The following ZNF831 variants were observed in gnomAD, a reference collection of about 807,000 sequenced individuals.
ZNF831 encodes chromosome 20 open reading frame 174.
Under a neutral mutation model 95.8 loss-of-function variants are expected in ZNF831, and 59 were observed. The ratio of observed to expected loss-of-function variants is 0.62; its 90% CI spans 0.50 to 0.77. ZNF831 has a LOEUF of 0.77. ZNF831 is among the 30% of genes least tolerant of loss of function. ZNF831 has a pLI of 0.00. For missense variants in ZNF831, 2,205 were observed against 2,164.0 expected, an observed-to-expected ratio of 1.02 and a Z score of -0.38; for synonymous variants, 961 against 925.5, an observed-to-expected ratio of 1.04 and a Z score of -0.70.
rs1342742469 is a variant in ZNF831 at position 59,194,536 on chromosome 20, C to A, written c.3517C>A (p.Pro1173Thr). ...CCGCAGTCCCCACAGCACCCAAAACCCCTTTCCCTCACTGAAGGCTGAGCC... is the reference window on the plus strand; with the variant it reads ...CCGCAGTCCCCACAGCACCCAAAACACCTTTCCCTCACTGAAGGCTGAGCC... ...STRSPHSTQN[P>T]FPSLKAEPRL... The change falls in exon 2 of 6, where the codon CCC (proline) becomes ACC (threonine). Residue 1173 changes from proline to threonine, a missense_variant. Pro to Thr is a conservative substitution (Grantham distance 38, BLOSUM62 -1). Transcript: ENST00000371030. 1.2e-6 allele frequency: 2 copies of A among 1,606,408 alleles called. No individual in the cohort carries two copies. Among genetic ancestry groups the A allele is most frequent in the Non-Finnish European group, 1.7e-6 (2 of 1,176,104 alleles).
chr20:59,230,993 ATAGGT>A (rs1427135604), intron 4 of ZNF831, among the ~76,000 whole-genome samples: 1 of 152,178 alleles, frequency 6.6e-6, no homozygotes, highest in Non-Finnish European at 1.5e-5. Context: ...TCTCTTCACC[ATAGGT>A]TTTCCCCTTA....
At chr20:59,146,795 C>T (rs1979892353) in intron 2 of ZNF831, 1 of 152,228 alleles carries the variant, frequency 6.6e-6, no homozygotes. Flanking sequence ...GGCCCCAAGC[C>T]CAGTAACCAA....
At chr20:59,240,640 A>G (rs1987276379) in intron 4 of ZNF831, among the ~76,000 whole-genome samples, 1 of 151,910 alleles carries the variant, frequency 6.6e-6, no homozygotes, top group African/African-American at 2.4e-5. Context: ...TCTCTACTAA[A>G]AATACAAAAA....
chr20:59,167,629 A>G (rs1343369576), intron 1 of ZNF831, among the ~76,000 whole-genome samples: 2 of 152,158 alleles, frequency 1.3e-5, no homozygotes, highest in South Asian at 2.1e-4. Flanking sequence ...TAATTTCTAT[A>G]TAAGTAAGAT....
intron 4 of ZNF831, among the ~76,000 whole-genome samples, chr20:59,252,001 TG>T (rs1393366401): frequency 6.6e-6 from 1 of 152,024 alleles, no homozygotes; most frequent in African/African-American, 2.4e-5. Flanking sequence ...TGTGCTTGTG[TG>T]GGGGGTCATG....
rs1008961506 is a variant in ZNF831 at position 59,208,717 on chromosome 20, GC to G, written c.4027+1666del. 2.0e-5 allele frequency among the ~76,000 whole-genome samples: 3 copies of G among 152,100 alleles called. No homozygotes were observed. The highest frequency in any genetic ancestry group is 7.2e-5 in the African/African-American group (3 of 41,396). On this transcript the variant is annotated intron_variant, in intron 4 of 5. Transcript: ENST00000371030. This position sits in a 1 kb window ranked among gnomAD's most constrained non-coding sequence, Gnocchi z 4.2. ...TCCCATGGACTCTTCCCTCACTTTTGCCCCCATCAGCTCCAGTTCTTGAATT... is the reference window on the plus strand; with the variant it reads ...TCCCATGGACTCTTCCCTCACTTTTGCCCCATCAGCTCCAGTTCTTGAATT...
intron 4 of ZNF831, among the ~76,000 whole-genome samples, chr20:59,248,596 A>G (rs1276657407): frequency 6.6e-6 from 1 of 152,188 alleles, no homozygotes; most frequent in Non-Finnish European, 1.5e-5. Context: ...TGTTGGGAAG[A>G]CATTTGGCCA....
chr20:59,177,589 T>C (rs747038821), intron 1 of ZNF831, among the ~76,000 whole-genome samples: 4 of 152,184 alleles, frequency 2.6e-5, no homozygotes, highest in Non-Finnish European at 5.9e-5. Flanking sequence ...GACCAGTAAA[T>C]GAAAGAGCTT....
In ZNF831 at chr20:59,239,171, CT is replaced by C. The variant is rs559652158; in HGVS notation, c.4028-13798del. Among the ~76,000 whole-genome samples, 1,269 of 151,802 alleles carry C rather than the reference CT, an allele frequency of 8.4e-3. 21 individuals carry two copies. The highest frequency in any genetic ancestry group is 0.029 in the African/African-American group (1,219 of 41,370). On this transcript the variant is annotated intron_variant, in intron 4 of 5. Coordinates refer to ENST00000371030, the MANE Select transcript of ZNF831 (RefSeq NM_178457.3). The stretch of plus-strand genomic sequence containing the variant: ...TTTTCTTCCCCTTTCTCCACATTGA[CT>C]TTTTTTTTCTTTAATAAATTTTTAT...
At position 59,194,262 on chromosome 20, in the gene ZNF831, C is replaced by A. The variant is rs777523800; in HGVS notation, c.3243C>A (p.Gly1081=). ...DSHRIHRLCM[G]STLARARLSG... ...ACCGTATCCATCGCCTCTGCATGGG[C>A]AGCACTTTGGCAAGGGCCAGGCTCT... The change falls in exon 2 of 6, where the codon GGC becomes GGA. Residue 1081 remains glycine (G), a synonymous_variant. Coordinates refer to ENST00000371030, the MANE Select transcript of ZNF831 (RefSeq NM_178457.3). 1 of 1,614,024 alleles carries A rather than the reference C, an allele frequency of 6.2e-7. No individual in the cohort carries two copies. The highest frequency in any genetic ancestry group is 8.5e-7 in the Non-Finnish European group (1 of 1,180,006).
At chr20:59,188,317 T>C (rs1392970210) in intron 1 of ZNF831, among the ~76,000 whole-genome samples, 1 of 152,240 alleles carries the variant, frequency 6.6e-6, no homozygotes, top group Non-Finnish European at 1.5e-5. Flanking sequence ...TGTTATTTTA[T>C]TGCTTATTAG....
chr20:59,133,695 G>T (rs1377585585), intron 1 of ZNF831, among the ~76,000 whole-genome samples: 1 of 152,140 alleles, frequency 6.6e-6, no homozygotes, highest in Non-Finnish European at 1.5e-5. Context: ...TGGAGTCCAG[G>T]GGTCAGAGAC....
Position 59,169,465 on chromosome 20 carries a change from A to G in ZNF831, c.-37+5258A>G, listed in dbSNP as rs1162710390. On this transcript the variant is annotated intron_variant, in intron 1 of 5. Coordinates refer to ENST00000371030, the MANE Select transcript of ZNF831 (RefSeq NM_178457.3). This position sits in a 1 kb window ranked among gnomAD's most constrained non-coding sequence, Gnocchi z 4.1. ...TTGTCCTTTGTCAGTTTTTGTAGAG[A>G]TTCTAAAGACCAATTTTAGGCTGGG... Among the ~76,000 whole-genome samples the G allele has an allele frequency of 1.3e-5, 2 of 152,070 alleles. No individual in the cohort carries two copies. The highest frequency in any genetic ancestry group is 4.8e-5 in the African/African-American group (2 of 41,376).
intron 2 of ZNF831, among the ~76,000 whole-genome samples, chr20:59,157,483 GA>G (rs1188071086): frequency 6.6e-6 from 1 of 152,142 alleles, no homozygotes; most frequent in Non-Finnish European, 1.5e-5. Context: ...AAAAGGATTT[GA>G]GGGGACTTAC....
chr20:59,193,961 G>C lies in ZNF831; in HGVS notation c.2942G>C (p.Gly981Ala), dbSNP rs2146592004. ...CCTGAAGAACGGGCATCATTTGTTG[G>C]GTCAGGACTGGGGACCCCTCTTTCT... ...GWPEERASFV[G>A]SGLGTPLSPS... The change falls in exon 2 of 6, where the codon GGG (glycine) becomes GCG (alanine). Residue 981 changes from glycine to alanine, a missense_variant. Physicochemically the swap from Gly to Ala is moderately conservative, Grantham distance 60 (BLOSUM62 0). Transcript: ENST00000371030. 6.4e-7 allele frequency: 1 copy of C among 1,565,828 alleles called. No individual in the cohort carries two copies. The highest frequency in any genetic ancestry group is 8.6e-7 in the Non-Finnish European group (1 of 1,156,128).
At chr20:59,211,407 T>C (rs1985322545) in intron 4 of ZNF831, among the ~76,000 whole-genome samples, 1 of 152,214 alleles carries the variant, frequency 6.6e-6, no homozygotes, top group Admixed American at 6.5e-5. Context: ...TATCAATCAC[T>C]GCCTGCTCCT....
chr20:59,206,855 G>A (rs753945196), intron 3 of ZNF831, 50 bp from the exon 4 acceptor site: 1 of 1,583,302 alleles, frequency 6.3e-7, no homozygotes, highest in Non-Finnish European at 8.6e-7. Flanking sequence ...ATTTTTCCAG[G>A]CATGTGCTCT....
chr20:59,191,763 G>C lies in ZNF831; in HGVS notation c.744G>C (p.Pro248=), dbSNP rs1193364335. The C allele has an allele frequency of 6.2e-7, 1 of 1,609,320 alleles. No homozygotes were observed. The highest frequency in any genetic ancestry group is 1.1e-5 in the South Asian group (1 of 90,764). The part of the protein sequence containing the change: ...HEGASERPLS[P]GAHVPLLAKN... ...GCGCCTCGGAGAGACCCCTTTCTCC[G>C]GGTGCCCACGTGCCCCTACTTGCCA... Residue 248 remains proline, a synonymous_variant, in exon 2 of 6, where the codon CCG becomes CCC. Transcript: ENST00000371030.
At chr20:59,235,905 A>G (rs950800436) in intron 4 of ZNF831, among the ~76,000 whole-genome samples, 1 of 152,230 alleles carries the variant, frequency 6.6e-6, no homozygotes, top group Non-Finnish European at 1.5e-5. Flanking sequence ...TGAAAGACAG[A>G]CAGCCTTGGG....
Sources: gnomAD v4.1 joint callset for allele counts (sites outside exome capture counted in the v4.1 genomes callset) on GRCh38, gnomAD v4.1.1 for gene constraint, Gnocchi (gnomAD v3.1) non-coding constraint, MANE v1.5 for transcripts, NCBI Gene and HGNC (gene_info 2026-07-23, HGNC 2026-07-21) for gene names.